CHAT: variants seen among roughly 807,000 people sequenced by gnomAD.
CHAT encodes the protein choline O-acetyltransferase, also known as acetyl CoA:choline O-acetyltransferase.
In CHAT, 61 loss-of-function variants were observed where a neutral mutation model predicts 76.9. That is an observed-to-expected ratio of 0.79 (90% CI 0.65 to 0.98). The LOEUF is 0.98. CHAT is among the 50% of genes least tolerant of loss of function. CHAT has a pLI of 0.00. For synonymous variants in CHAT, 407 were observed against 397.4 expected (o/e 1.02, Z -0.29); for missense variants, 946 against 986.9 (o/e 0.96, Z 0.56).
At position 49,616,343 on chromosome 10, in the gene CHAT, T is replaced by C. The variant is rs544706019; in HGVS notation, c.287-159T>C. 1.1e-4 allele frequency among the ~76,000 whole-genome samples: 17 copies of C among 152,170 alleles called. No homozygotes were observed. The South Asian group carries it at 1.7e-3, about 15-fold the overall frequency. On this transcript the variant is annotated intron_variant, in intron 1 of 14. Transcript: ENST00000337653. ...TGTGGTCAGCACGTACAGGTGGAAG[T>C]AGAGACTGGGGCCACGCCTGCAATG...
At chr10:49,611,024 C>A, upstream of CHAT, 3 of 1,613,920 alleles carry the variant, frequency 1.9e-6, no homozygotes, top group Non-Finnish European at 2.5e-6. Flanking sequence ...GCCTACACGG[C>A]CAACACCTCG....
chr10:49,664,992 G>A lies in CHAT; in HGVS notation c.2193G>A (p.Lys731=). The A allele has an allele frequency of 6.2e-7, 1 of 1,614,234 alleles. No homozygotes were observed. Among genetic ancestry groups the A allele is most frequent in the Non-Finnish European group, 8.5e-7 (1 of 1,180,054 alleles). The stretch of plus-strand genomic sequence containing the variant: ...GTCTGCTGCCGCCTACTGAGAGCAA[G>A]CCATTGGCAACAAAGGAAAAAGCCA... ...LCSLLPPTES[K]PLATKEKATR... is the part of the protein sequence containing the mutation. Residue 731 remains lysine (K), a synonymous_variant, in exon 15 of 15, where the codon AAG becomes AAA. Coordinates refer to ENST00000337653, the MANE Select transcript of CHAT (RefSeq NM_020549.5).
intron 4 of CHAT, among the ~76,000 whole-genome samples, chr10:49,621,316 C>T (rs896684190): frequency 1.3e-5 from 2 of 152,142 alleles, no homozygotes; most frequent in South Asian, 2.1e-4. Context: ...GACCTCCCCA[C>T]CCCACCCTAC....
At chr10:49,614,617 G>T in intron 1 of CHAT, 142 bp downstream of exon 1, 1 of 757,100 alleles carries the variant, frequency 1.3e-6, no homozygotes. Context: ...AGCAGCGGCC[G>T]TCGGGGGTCA....
chr10:49,611,172 C>T (rs2132686433), upstream of CHAT: 1 of 1,614,194 alleles, frequency 6.2e-7, no homozygotes, highest in Middle Eastern at 1.6e-4. Context: ...TGAGCGGGCC[C>T]TTCATCGACC....
chr10:49,612,201 T>G (rs974690319), upstream of CHAT: 10 of 1,609,142 alleles, frequency 6.2e-6, no homozygotes, highest in Non-Finnish European at 8.5e-6. Flanking sequence ...TGCTGCTTGA[T>G]GAGCCACCGC....
intron 4 of CHAT, among the ~76,000 whole-genome samples, chr10:49,621,681 C>G (rs571894386): frequency 6.6e-6 from 1 of 152,242 alleles, no homozygotes; most frequent in East Asian, 1.9e-4. Context: ...CACCCTCCAC[C>G]CCTTCTGGCC....
At chr10:49,622,071 G>A (rs750318252) in intron 4 of CHAT, 26 bp from the exon 5 acceptor site, 1 of 1,064,382 alleles carries the variant, frequency 9.4e-7, no homozygotes, top group Non-Finnish European at 1.2e-6. Context: ...TGGGAGGAAG[G>A]GCTCAGGCCT....
intron 13 of CHAT, among the ~76,000 whole-genome samples, chr10:49,661,581 T>C (rs1049110582): frequency 1.3e-5 from 2 of 152,190 alleles, no homozygotes; most frequent in African/African-American, 4.8e-5. Context: ...TATACCAAGT[T>C]CATTGTGAAT....
chr10:49,644,528 A>C (rs951696674), intron 7 of CHAT, among the ~76,000 whole-genome samples: 1 of 152,186 alleles, frequency 6.6e-6, no homozygotes, highest in Non-Finnish European at 1.5e-5. Context: ...GGGAAGCCCA[A>C]GAGGCCATGC....
upstream of CHAT, chr10:49,609,272 G>A (rs1838229054): frequency 6.6e-6 from 1 of 152,206 alleles, no homozygotes; most frequent in Non-Finnish European, 1.5e-5. Context: ...CGGCACCCAA[G>A]AAGGGTTTCT....
intron 10 of CHAT, among the ~76,000 whole-genome samples, chr10:49,650,990 C>T (rs1839857684): frequency 6.6e-6 from 1 of 152,054 alleles, no homozygotes; most frequent in South Asian, 2.1e-4. Flanking sequence ...ACCCCACATT[C>T]CCCAAGGCCC....
chr10:49,612,180 C>T, upstream of CHAT: 2 of 1,610,094 alleles, frequency 1.2e-6, no homozygotes, highest in Non-Finnish European at 1.7e-6. Flanking sequence ...GCTCCCGTTC[C>T]GAGCGCGATG....
At chr10:49,638,203 G>T (rs1839357869) in intron 7 of CHAT, among the ~76,000 whole-genome samples, 1 of 152,144 alleles carries the variant, frequency 6.6e-6, no homozygotes, top group African/African-American at 2.4e-5. Context: ...TATGTCTCTG[G>T]TAAGTTTTCT....
chr10:49,648,726 T>TACACAC lies in CHAT; in HGVS notation c.1382+146_1382+151dup, dbSNP rs10580502. 4.0e-3 allele frequency: 2,355 copies of TACACAC among 583,970 alleles called. 10 individuals carry two copies. Among genetic ancestry groups the TACACAC allele is most frequent in the African/African-American group, 0.02 (1,047 of 53,266 alleles). The allele number at this position is 583,970 out of a possible 1,614,324, so 36.2% of individuals were successfully genotyped here. ...ATGAATTTGAAAAAAATGTGTACTA[T>TACACAC]ACACACACACACACACACACACACA... On this transcript the variant is annotated intron_variant, in intron 9 of 14. Coordinates refer to ENST00000337653, the MANE Select transcript of CHAT (RefSeq NM_020549.5).
At chr10:49,616,021 A>G in intron 1 of CHAT, 1 of 1,612,154 alleles carries the variant, frequency 6.2e-7, no homozygotes. Context: ...CCACCAACGG[A>G]GTGAGGGAAT....
chr10:49,628,045 G>T (rs762381247), intron 7 of CHAT, among the ~76,000 whole-genome samples: 1 of 152,156 alleles, frequency 6.6e-6, no homozygotes, highest in Non-Finnish European at 1.5e-5. Context: ...AATACTGGGC[G>T]GGGCGGGGGA....
chr10:49,620,916 C>A lies in CHAT; in HGVS notation c.698+303C>A, dbSNP rs145476125. Among the ~76,000 whole-genome samples, 2,034 of 152,326 alleles carry A rather than the reference C, an allele frequency of 0.013. 25 individuals carry two copies. The highest frequency in any genetic ancestry group is 0.019 in the Non-Finnish European group (1,272 of 68,034). ...ACCTGGCTGAGGCCCTGGGAGGAGG[C>A]GTGTGTCCCTGGACCACGCCAGTAC... is the stretch of plus-strand genomic sequence containing the variant. On this transcript the variant is annotated intron_variant, in intron 4 of 14. Coordinates refer to ENST00000337653, the MANE Select transcript of CHAT (RefSeq NM_020549.5).
At chr10:49,611,364 G>C (rs1484351159), upstream of CHAT, 5 of 1,600,270 alleles carry the variant, frequency 3.1e-6, no homozygotes, top group East Asian at 4.5e-5. Context: ...CGGAGGAGCC[G>C]GAGCGCAGTC....
Sources: gnomAD v4.1 joint callset for allele counts (sites outside exome capture counted in the v4.1 genomes callset) on GRCh38, gnomAD v4.1.1 for gene constraint, MANE v1.5 for transcripts, NCBI Gene and HGNC (gene_info 2026-07-23, HGNC 2026-07-21) for gene names.